The following TANGO2 variants were observed in gnomAD, a reference collection of about 807,000 sequenced individuals.
TANGO2 encodes the protein transport and golgi organization 2 homolog, also known as transport and Golgi organization protein 2 homolog.
In TANGO2, 26 loss-of-function variants were observed where a neutral mutation model predicts 39.1. The observed-to-expected ratio is 0.67, with a 90% confidence interval of 0.49 to 0.92. The LOEUF (loss-of-function observed/expected upper bound fraction) is 0.92, where lower values mean the gene tolerates loss of function less well. TANGO2 is among the 40% of genes least tolerant of loss of function. The pLI is 0.00. For missense variants in TANGO2, 326 were observed against 360.1 expected, an observed-to-expected ratio of 0.91 and a Z score of 0.77; for synonymous variants, 131 against 144.5, an observed-to-expected ratio of 0.91 and a Z score of 0.67.
Position 20,043,356 on chromosome 22 carries a change from C to T in TANGO2, c.58C>T (p.Leu20Phe). 2 of 1,611,246 alleles carry T rather than the reference C, an allele frequency of 1.2e-6. No homozygotes were observed. Among genetic ancestry groups the T allele is most frequent in the Non-Finnish European group, 1.7e-6 (2 of 1,177,890 alleles). The change falls in exon 3 of 9, where the codon CTC becomes TTC. Residue 20 changes from leucine (L) to phenylalanine (F), a missense_variant and splice_region_variant. Transcript: ENST00000327374. ...PRPVSKNAYRLILAANRDEFY... is the reference protein window; with the variant it reads ...PRPVSKNAYRFILAANRDEFY... ...ATCAGTGATGCTTTCCTCTTGCAGG[C>T]TCATCTTGGCAGCCAACAGGGATGA...
chr22:20,019,811 G>A (rs989322121), upstream of TANGO2, among the ~76,000 whole-genome samples: 3 of 152,256 alleles, frequency 2.0e-5, no homozygotes, highest in Non-Finnish European at 4.4e-5. Context: ...ACTGGTACCA[G>A]CCCCACATGA....
At chr22:20,025,837 G>A (rs1006967493) in intron 1 of TANGO2, among the ~76,000 whole-genome samples, 3 of 152,184 alleles carry the variant, frequency 2.0e-5, no homozygotes, top group Non-Finnish European at 4.4e-5. Context: ...GGTTTGGAAG[G>A]TTCTTTGAAT....
At chr22:20,037,811 G>A (rs2043138005) in intron 2 of TANGO2, among the ~76,000 whole-genome samples, 1 of 152,124 alleles carries the variant, frequency 6.6e-6, no homozygotes, top group Non-Finnish European at 1.5e-5. Flanking sequence ...AAGAATGTAG[G>A]GGCTGGCCGA....
chr22:20,021,492 A>T (rs899554552), intron 1 of TANGO2, among the ~76,000 whole-genome samples: 1 of 152,170 alleles, frequency 6.6e-6, no homozygotes. Context: ...TGGTCCCTGC[A>T]GGGTGTGTGG....
intron 2 of TANGO2, among the ~76,000 whole-genome samples, chr22:20,042,504 A>G (rs1189162534): frequency 2.6e-5 from 4 of 152,128 alleles, no homozygotes; most frequent in Non-Finnish European, 5.9e-5. Context: ...GGTGGCTCAC[A>G]CCTGTAATCC....
rs1431585111 is a variant in TANGO2 at position 20,063,550 on chromosome 22, C to T, written c.710+108C>T. 13 of 978,812 alleles carry T rather than the reference C, an allele frequency of 1.3e-5. No homozygotes were observed. In the Admixed American group the frequency reaches 1.7e-4, roughly 13 times the overall value. The allele number at this position is 978,812 out of a possible 1,614,324, so 60.6% of individuals were successfully genotyped here. On this transcript the variant is annotated intron_variant, in intron 8 of 8. Transcript: ENST00000327374. The stretch of plus-strand genomic sequence containing the variant: ...CATAGCCAGAGCCAGGCTTCTTCCT[C>T]GCCTGAGTGGATTCCAGAGCTTCTG...
intron 1 of TANGO2, among the ~76,000 whole-genome samples, chr22:20,028,451 T>C (rs2531707): frequency 0.82 from 124,880 of 152,176 alleles, 52,270 homozygotes; most frequent in Non-Finnish European, 0.91. Flanking sequence ...AATGTTTCCC[T>C]CCAGAATGTG....
chr22:20,023,541 G>A (rs2040134914), intron 1 of TANGO2, among the ~76,000 whole-genome samples: 1 of 152,236 alleles, frequency 6.6e-6, no homozygotes, highest in African/African-American at 2.4e-5. Flanking sequence ...GATCTGAGGA[G>A]AGAGTACCAC....
chr22:20,021,150 C>G lies in TANGO2; in HGVS notation c.-136C>G, dbSNP rs1333626249. 6.5e-6 allele frequency: 1 copy of G among 153,220 alleles called. No homozygotes were observed. The allele number at this position is 153,220 out of a possible 1,614,324, so 9.5% of individuals were successfully genotyped here. A position where few individuals can be genotyped will look rare whatever the true frequency, so the allele number is the denominator to read the frequency against. ...GGCGGAGGCGGTGAGTGCGCGGCTC[C>G]GGGGCTGGCCGACTCCGCTAGTGGC... On this transcript the variant is annotated 5_prime_UTR_variant, in exon 1 of 9. Transcript: ENST00000327374.
At chr22:20,046,689 G>C (rs1032344262) in intron 3 of TANGO2, among the ~76,000 whole-genome samples, 15 of 152,034 alleles carry the variant, frequency 9.9e-5, no homozygotes, top group African/African-American at 3.6e-4. Context: ...TACATGTGCA[G>C]AACGTGCAGG....
intron 5 of TANGO2, chr22:20,054,294 G>A (rs143628820): frequency 2.5e-5 from 4 of 159,714 alleles, no homozygotes; most frequent in African/African-American, 7.2e-5. Flanking sequence ...GGGCTGGTGC[G>A]GGGCACTTGC....
chr22:20,059,461 T>A (rs1035171541), intron 6 of TANGO2, among the ~76,000 whole-genome samples: 4 of 152,234 alleles, frequency 2.6e-5, no homozygotes, highest in Non-Finnish European at 5.9e-5. Flanking sequence ...ACATCCAAAC[T>A]GTTTGCCAAA....
At chr22:20,061,741 A>C in intron 7 of TANGO2, 58 bp downstream of exon 7, 1 of 1,487,462 alleles carries the variant, frequency 6.7e-7, no homozygotes. Context: ...GGGCAGAGGG[A>C]AAGGCAGGCC....
intron 1 of TANGO2, among the ~76,000 whole-genome samples, chr22:20,023,103 C>T (rs1309333287): frequency 6.6e-6 from 1 of 152,166 alleles, no homozygotes; most frequent in African/African-American, 2.4e-5. Context: ...TCTCAACTTC[C>T]CTTTTAGACT....
chr22:20,029,519 C>T (rs1470848676), intron 1 of TANGO2, among the ~76,000 whole-genome samples: 6 of 152,158 alleles, frequency 3.9e-5, no homozygotes, highest in African/African-American at 7.2e-5. Context: ...TCTTAGAGGA[C>T]GGGAAGCCCT....
chr22:20,030,190 G>A (rs1011153545), intron 1 of TANGO2, among the ~76,000 whole-genome samples: 2 of 141,496 alleles, frequency 1.4e-5, no homozygotes, highest in Non-Finnish European at 3.0e-5. Context: ...TTTTTGAGAT[G>A]GAGTTTCCCT....
At chr22:20,034,689 C>T (rs567382490) in intron 1 of TANGO2, among the ~76,000 whole-genome samples, 2 of 152,292 alleles carry the variant, frequency 1.3e-5, no homozygotes, top group African/African-American at 4.8e-5. Context: ...TTTGGAGTCC[C>T]AGCCTAACTT....
chr22:20,043,303 CTT>C, intron 2 of TANGO2, 50 bp from the exon 3 acceptor site: 2 of 1,374,346 alleles, frequency 1.5e-6, no homozygotes, highest in Non-Finnish European at 2.1e-6. Context: ...GAGAAAAAGA[CTT>C]GGCTCGCTCG....
rs749370680 is a variant in TANGO2 at position 20,037,104 on chromosome 22, A to G, written c.56+250A>G. 12 of 1,518,524 alleles carry G rather than the reference A, an allele frequency of 7.9e-6. No homozygotes were observed. In the Admixed American group the frequency reaches 1.1e-4, roughly 14 times the overall value. 94.1% of individuals were successfully genotyped at this position (1,518,524 alleles called of 1,614,324 possible). On this transcript the variant is annotated intron_variant, in intron 2 of 8. Coordinates refer to ENST00000327374, the MANE Select transcript of TANGO2 (RefSeq NM_152906.7). Reference sequence around the variant, plus strand: ...CAGAAGGCAGCCACAGGTAGGACAGAGGAGTGACATGGGTCCAGGTGGGCT... The same window carrying G: ...CAGAAGGCAGCCACAGGTAGGACAGGGGAGTGACATGGGTCCAGGTGGGCT...
Sources: gnomAD v4.1 joint callset for allele counts (sites outside exome capture counted in the v4.1 genomes callset) on GRCh38, gnomAD v4.1.1 for gene constraint, MANE v1.5 for transcripts, NCBI Gene and HGNC (gene_info 2026-07-23, HGNC 2026-07-21) for gene names.